PIKFYVE: variants seen among roughly 807,000 people sequenced by gnomAD.
PIKFYVE encodes phosphoinositide kinase, FYVE-type zinc finger containing.
Under a neutral mutation model 257.9 loss-of-function variants are expected in PIKFYVE, and 122 were observed. The ratio of observed to expected loss-of-function variants is 0.47; its 90% CI spans 0.41 to 0.55. The LOEUF (loss-of-function observed/expected upper bound fraction) is 0.55, where lower values mean the gene tolerates loss of function less well. Ranked by LOEUF, PIKFYVE falls within the 20% of genes least tolerant of loss-of-function variation. PIKFYVE has a pLI of 0.00. For synonymous variants in PIKFYVE, 892 were observed against 868.9 expected (o/e 1.03, Z -0.47); for missense variants, 2,160 against 2,536.6 (o/e 0.85, Z 3.19).
intron 11 of PIKFYVE, 104 bp downstream of exon 11, chr2:208,304,422 GGC>G: frequency 6.9e-7 from 1 of 1,441,310 alleles, no homozygotes; most frequent in Non-Finnish European, 9.6e-7. Context: ...TATAATTTAT[GGC>G]TCCAACTAAA....
intron 28 of PIKFYVE, 87 bp downstream of exon 28, chr2:208,337,015 T>A (rs7596571): frequency 1.0e-6 from 1 of 986,676 alleles, no homozygotes; most frequent in Non-Finnish European, 1.6e-6. Context: ...TAGTTTAATA[T>A]GTACTTTAGT....
chr2:208,269,759 C>T (rs1427689391), intron 1 of PIKFYVE: 1 of 248,128 alleles, frequency 4.0e-6, no homozygotes, highest in East Asian at 9.3e-5. Context: ...TTGAACTCCT[C>T]CAGCTGATCC....
intron 1 of PIKFYVE, 101 bp downstream of exon 1, chr2:208,266,516 A>T (rs549746634): frequency 6.5e-6 from 1 of 152,862 alleles, no homozygotes; most frequent in South Asian, 2.1e-4. Context: ...AGTGAGAACC[A>T]GGGCTCCGCA....
rs116097593 is a variant in PIKFYVE at position 208,341,291 on chromosome 2, G to A, written c.4931+1160G>A. Among the ~76,000 whole-genome samples the A allele has an allele frequency of 8.0e-3, 1,212 of 151,988 alleles. 15 individuals are homozygous for A. The highest frequency in any genetic ancestry group is 0.028 in the African/African-American group (1,149 of 41,466). On this transcript the variant is annotated intron_variant, in intron 31 of 41. Transcript: ENST00000264380. ...CCAAAGTACTGAGCTACTGGACCCGGCCCTTTAAACTTTTTTTTTTAATAT... is the reference window on the plus strand; with the variant it reads ...CCAAAGTACTGAGCTACTGGACCCGACCCTTTAAACTTTTTTTTTTAATAT...
chr2:208,318,735 A>G (rs560646910), intron 16 of PIKFYVE, among the ~76,000 whole-genome samples: 1 of 152,118 alleles, frequency 6.6e-6, no homozygotes, highest in Non-Finnish European at 1.5e-5. Context: ...CTGGCAGATC[A>G]CGATGTCAGG....
chr2:208,315,407 A>T, intron 15 of PIKFYVE, 34 bp downstream of exon 15: 1 of 1,608,808 alleles, frequency 6.2e-7, no homozygotes, highest in Non-Finnish European at 8.5e-7. Context: ...AATGCTAGGA[A>T]CTGATGAGGC....
intron 5 of PIKFYVE, among the ~76,000 whole-genome samples, chr2:208,279,749 T>C (rs1275568889): frequency 6.6e-6 from 1 of 152,336 alleles, no homozygotes; most frequent in African/African-American, 2.4e-5. Flanking sequence ...TTCTGTTCCA[T>C]TGGCTTATGT....
At chr2:208,305,907 T>G (rs1431884757) in intron 12 of PIKFYVE, among the ~76,000 whole-genome samples, 1 of 152,236 alleles carries the variant, frequency 6.6e-6, no homozygotes, top group African/African-American at 2.4e-5. Context: ...GGAGTTTGTA[T>G]TTTAAACATA....
Position 208,357,840 on chromosome 2 carries a change from A to G in PIKFYVE, c.*2535A>G, listed in dbSNP as rs1303984944. The stretch of plus-strand genomic sequence containing the variant: ...ATCTTAATACTTCCTTCCTTAACAT[A>G]CAACATGAGTCCCGAGAATAATTGA... On this transcript the variant is annotated 3_prime_UTR_variant, in exon 42 of 42. Coordinates refer to ENST00000264380, the MANE Select transcript of PIKFYVE (RefSeq NM_015040.4). 6.6e-6 allele frequency: 1 copy of G among 152,204 alleles called. No individual in the cohort carries two copies. The highest frequency in any genetic ancestry group is 1.5e-5 in the Non-Finnish European group (1 of 68,036). The allele number at this position is 152,204 out of a possible 1,614,324, so 9.4% of individuals were successfully genotyped here. A position where few individuals can be genotyped will look rare whatever the true frequency, so the allele number is the denominator to read the frequency against.
chr2:208,336,172 T>C lies in PIKFYVE; in HGVS notation c.4492T>C (p.Cys1498Arg). ...ESLIAKKQSLCEVLQAWNNRL... is the reference protein window; with the variant it reads ...ESLIAKKQSLREVLQAWNNRL... ...ACTCATTGCCAAGAAACAAAGTCTC[T>C]GTGAAGTGCTGCAAGCTTGGAATAA... is the stretch of plus-strand genomic sequence containing the variant. Residue 1498 changes from cysteine (C) to arginine (R), a missense_variant, in exon 27 of 42, where the codon TGT becomes CGT. Cys to Arg is a radical substitution (Grantham distance 180). Coordinates refer to ENST00000264380, the MANE Select transcript of PIKFYVE (RefSeq NM_015040.4). 1 of 1,614,074 alleles carries C rather than the reference T, an allele frequency of 6.2e-7. No homozygotes were observed. The highest frequency in any genetic ancestry group is 8.5e-7 in the Non-Finnish European group (1 of 1,179,944).
chr2:208,301,072 C>T lies in PIKFYVE; in HGVS notation c.1186C>T (p.Arg396Ter), dbSNP rs865877569. ...VGKELVNWLI[R>*]NGHIATRAQA... ...AAAGGAATTAGTCAACTGGCTAATC[C>T]GAAATGGGCATATTGCCACAAGGTA... Residue 396 changes from arginine to a stop codon, truncating the protein, a stop_gained, in exon 9 of 42, where the codon CGA becomes TGA. Transcript: ENST00000264380. LOFTEE classifies it high-confidence loss of function. 4 of 1,613,916 alleles carry T rather than the reference C, an allele frequency of 2.5e-6. No homozygotes were observed. The highest frequency in any genetic ancestry group is 2.5e-6 in the Non-Finnish European group (3 of 1,179,988).
At chr2:208,273,791 G>A in intron 3 of PIKFYVE, 58 bp downstream of exon 3, 2 of 1,595,312 alleles carry the variant, frequency 1.3e-6, no homozygotes, top group East Asian at 2.2e-5. Flanking sequence ...CACAGTCATT[G>A]TGTTTCCTAG....
intron 20 of PIKFYVE, among the ~76,000 whole-genome samples, chr2:208,327,733 G>A (rs4675755): frequency 0.93 from 140,823 of 152,208 alleles, 65,765 homozygotes; most frequent in Non-Finnish European, 0.98. Flanking sequence ...CTTCTATACT[G>A]TTTCAATTTT....
chr2:208,323,532 C>T (rs954852908), intron 17 of PIKFYVE, among the ~76,000 whole-genome samples: 1 of 152,098 alleles, frequency 6.6e-6, no homozygotes, highest in African/African-American at 2.4e-5. Flanking sequence ...TGGGTTGGTT[C>T]CAAGTCTTTG....
intron 18 of PIKFYVE, 73 bp from the exon 19 acceptor site, chr2:208,324,838 C>T (rs1696731251): frequency 6.5e-7 from 1 of 1,543,030 alleles, no homozygotes; most frequent in African/African-American, 1.4e-5. Context: ...TTTTCCATTA[C>T]TTTTCCAGAT....
rs1246302916 is a variant in PIKFYVE at position 208,356,346 on chromosome 2, G to C, written c.*1041G>C. On this transcript the variant is annotated 3_prime_UTR_variant, in exon 42 of 42. Coordinates refer to ENST00000264380, the MANE Select transcript of PIKFYVE (RefSeq NM_015040.4). ...AACTTTCTACATAATGGCTAGTTCT[G>C]ACTACTAAGAAATGTTAAGAAATAG... is the stretch of plus-strand genomic sequence containing the variant. 6.6e-6 allele frequency: 1 copy of C among 152,118 alleles called. No individual in the cohort carries two copies. Among genetic ancestry groups the C allele is most frequent in the Non-Finnish European group, 1.5e-5 (1 of 68,024 alleles). 9.4% of individuals were successfully genotyped at this position (152,118 alleles called of 1,614,324 possible).
chr2:208,328,040 G>A, intron 20 of PIKFYVE, 140 bp from the exon 21 acceptor site: 2 of 1,497,934 alleles, frequency 1.3e-6, no homozygotes, highest in Non-Finnish European at 1.8e-6. Context: ...CTTATATTTA[G>A]TTTTCTGTAG....
At chr2:208,322,692 T>C (rs1696394419) in intron 17 of PIKFYVE, among the ~76,000 whole-genome samples, 1 of 151,350 alleles carries the variant, frequency 6.6e-6, no homozygotes, top group Non-Finnish European at 1.5e-5. Flanking sequence ...TCTTGATATA[T>C]ATATATATAT....
chr2:208,341,760 C>G (rs148657031), intron 31 of PIKFYVE, among the ~76,000 whole-genome samples: 147 of 152,180 alleles, frequency 9.7e-4, no homozygotes, highest in Non-Finnish European at 1.5e-3. Flanking sequence ...TAAATTACCC[C>G]CTAAAGGCCC....
Sources: allele counts gnomAD v4.1 joint callset (sites outside exome capture counted in the v4.1 genomes callset), GRCh38; gene constraint gnomAD v4.1.1; transcripts MANE v1.5; gene names NCBI Gene and HGNC (gene_info 2026-07-23, HGNC 2026-07-21).